CCDC102B: variants seen among roughly 807,000 people sequenced by gnomAD.
CCDC102B encodes coiled-coil domain-containing protein 102B.
A neutral mutation model predicts 57.4 loss-of-function variants in CCDC102B; 75 were observed. That is an observed-to-expected ratio of 1.31 (90% CI 1.08 to 1.58). The LOEUF (loss-of-function observed/expected upper bound fraction) is 1.58, where lower values mean the gene tolerates loss of function less well. CCDC102B is among the 40% of genes most tolerant of loss of function. The pLI, the probability that CCDC102B is intolerant of heterozygous loss-of-function variation, is 0.00. For missense variants in CCDC102B, 636 were observed against 582.6 expected (o/e 1.09, Z -0.94); for synonymous variants, 206 against 201.9 (o/e 1.02, Z -0.17).
At chr18:68,871,187 A>G (rs1488756259) in intron 4 of CCDC102B, among the ~76,000 whole-genome samples, 1 of 152,192 alleles carries the variant, frequency 6.6e-6, no homozygotes, top group Non-Finnish European at 1.5e-5. Context: ...AACACAGGAA[A>G]AAAAGAAGGC....
At chr18:68,856,858 A>G (rs988167086) in intron 4 of CCDC102B, among the ~76,000 whole-genome samples, 3 of 150,568 alleles carry the variant, frequency 2.0e-5, no homozygotes, top group African/African-American at 4.9e-5. Flanking sequence ...AAAGAACTTT[A>G]TATGTGTTTT....
At chr18:69,007,993 A>G (rs989508276) in intron 6 of CCDC102B, among the ~76,000 whole-genome samples, 1 of 152,256 alleles carries the variant, frequency 6.6e-6, no homozygotes, top group African/African-American at 2.4e-5. Flanking sequence ...CATTAATGAT[A>G]TAAGAAATAA....
In CCDC102B at chr18:68,836,858, C is replaced by T. The variant is rs758190565; in HGVS notation, c.95C>T (p.Pro32Leu). Residue 32 changes from proline to leucine, a missense_variant, in exon 2 of 8, where the codon CCT (proline) becomes CTT (leucine). Coordinates refer to ENST00000360242, the MANE Select transcript of CCDC102B (RefSeq NM_024781.3). ...SIKSRGDMVA[P>L]ASPPRDTCNT... The stretch of plus-strand genomic sequence containing the variant: ...AAGTCACGCGGCGACATGGTGGCAC[C>T]TGCCTCACCCCCCAGGGATACCTGT... 5.6e-6 allele frequency: 9 copies of T among 1,614,106 alleles called. No individual in the cohort carries two copies. Among genetic ancestry groups the T allele is most frequent in the Non-Finnish European group, 7.6e-6 (9 of 1,180,016 alleles).
intron 7 of CCDC102B, among the ~76,000 whole-genome samples, chr18:69,051,458 A>G (rs1333923226): frequency 6.6e-6 from 1 of 152,054 alleles, no homozygotes; most frequent in Non-Finnish European, 1.5e-5. Context: ...AATGTCAAAT[A>G]TACTTAAATT....
chr18:68,756,373 A>C (rs760418224), intron 2 of CCDC102B, among the ~76,000 whole-genome samples: 3 of 152,192 alleles, frequency 2.0e-5, no homozygotes, highest in Non-Finnish European at 4.4e-5. Context: ...AGCAAATTGA[A>C]GTAAGAAAGG....
At chr18:68,997,243 AAC>A (rs1376121868) in intron 6 of CCDC102B, among the ~76,000 whole-genome samples, 4 of 152,202 alleles carry the variant, frequency 2.6e-5, no homozygotes, top group African/African-American at 7.2e-5. Flanking sequence ...AAAATGGACT[AAC>A]ACACCCACAC....
chr18:68,785,284 AC>A (rs2035161702), intron 2 of CCDC102B, among the ~76,000 whole-genome samples: 1 of 152,108 alleles, frequency 6.6e-6, no homozygotes, highest in Admixed American at 6.5e-5. Context: ...GTCACAATAA[AC>A]ATACATGTGC....
intron 1 of CCDC102B, among the ~76,000 whole-genome samples, chr18:68,819,022 G>A (rs957832317): frequency 6.6e-6 from 1 of 152,038 alleles, no homozygotes; most frequent in Non-Finnish European, 1.5e-5. Context: ...GTGGATATAT[G>A]CACGCTTAAT....
chr18:68,738,903 G>A (rs1315114560), intron 2 of CCDC102B, among the ~76,000 whole-genome samples: 1 of 151,518 alleles, frequency 6.6e-6, no homozygotes, highest in Non-Finnish European at 1.5e-5. Context: ...CCCATGATAC[G>A]CCCTTATTTT....
chr18:68,940,212 C>T (rs2049341169), intron 6 of CCDC102B, among the ~76,000 whole-genome samples: 1 of 151,736 alleles, frequency 6.6e-6, no homozygotes, highest in Admixed American at 6.6e-5. Context: ...TACATTTAAT[C>T]ACAACTTATT....
At chr18:68,715,717 A>G (rs1317283880) in intron 1 of CCDC102B, 1 of 152,216 alleles carries the variant, frequency 6.6e-6, no homozygotes, top group Non-Finnish European at 1.5e-5. Context: ...AACTAGATAA[A>G]GTAGTATGAA....
At chr18:68,951,600 G>A (rs1168280774) in intron 6 of CCDC102B, among the ~76,000 whole-genome samples, 4 of 152,024 alleles carry the variant, frequency 2.6e-5, no homozygotes, top group Admixed American at 2.6e-4. Flanking sequence ...TTGAGGTCAA[G>A]GGTTTGAGAC....
At chr18:68,856,269 A>G (rs2038381724) in intron 4 of CCDC102B, among the ~76,000 whole-genome samples, 1 of 152,092 alleles carries the variant, frequency 6.6e-6, no homozygotes, top group Admixed American at 6.6e-5. Flanking sequence ...AAAATGTAAA[A>G]CATGCTTTTC....
intron 2 of CCDC102B, among the ~76,000 whole-genome samples, chr18:68,727,054 A>C (rs889868131): frequency 1.3e-5 from 2 of 152,168 alleles, no homozygotes; most frequent in African/African-American, 2.4e-5. Context: ...AATCGTTATC[A>C]TCTACTTTGG....
chr18:68,934,322 T>C (rs186814818), intron 6 of CCDC102B, among the ~76,000 whole-genome samples: 8 of 152,116 alleles, frequency 5.3e-5, no homozygotes, highest in Admixed American at 2.6e-4. Context: ...TTCATTACCA[T>C]AGTGAGCCAA....
chr18:68,824,111 G>C (rs542066318), intron 1 of CCDC102B, among the ~76,000 whole-genome samples: 12 of 152,220 alleles, frequency 7.9e-5, no homozygotes, highest in Non-Finnish European at 1.8e-4. Context: ...GGGAGACTCA[G>C]CCGAAAATTA....
intron 6 of CCDC102B, among the ~76,000 whole-genome samples, chr18:68,965,686 C>G (rs2050150903): frequency 6.6e-6 from 1 of 151,692 alleles, no homozygotes; most frequent in Non-Finnish European, 1.5e-5. Context: ...GTTTTAATAC[C>G]TGTGCCATTC....
At chr18:68,999,737 C>T (rs1395194721) in intron 6 of CCDC102B, among the ~76,000 whole-genome samples, 1 of 152,118 alleles carries the variant, frequency 6.6e-6, no homozygotes, top group Non-Finnish European at 1.5e-5. Context: ...CAAATATGCC[C>T]CTATTCTACT....
At chr18:68,748,471 G>A (rs909518233) in intron 2 of CCDC102B, among the ~76,000 whole-genome samples, 1 of 152,066 alleles carries the variant, frequency 6.6e-6, no homozygotes, top group Non-Finnish European at 1.5e-5. Context: ...CATGGTGGCA[G>A]AAATTTCCTA....
Sources: gnomAD v4.1 joint callset for allele counts (sites outside exome capture counted in the v4.1 genomes callset) on GRCh38, gnomAD v4.1.1 for gene constraint, MANE v1.5 for transcripts, NCBI Gene and HGNC (gene_info 2026-07-23, HGNC 2026-07-21) for gene names.